Variants in WNK1 observed in about 807,000 individuals in gnomAD.
WNK1 encodes the protein serine/threonine-protein kinase WNK1.
In WNK1, 38 loss-of-function variants were observed where a neutral mutation model predicts 222.8. The observed-to-expected ratio is 0.17, with a 90% CI of 0.13 to 0.22. The LOEUF (loss-of-function observed/expected upper bound fraction) is 0.22. Among genes scored for constraint, WNK1 ranks in the 10% least tolerant of loss-of-function variants. The probability of loss-of-function intolerance (pLI) is 1.00; values close to 1 mark genes in which losing one functional copy is unlikely to be tolerated. For synonymous variants in WNK1, 1,090 were observed against 1,092.9 expected (o/e 1.00, Z 0.05); for missense variants, 2,348 against 2,918.4 (o/e 0.80, Z 4.50).
intron 26 of WNK1, 130 bp downstream of exon 26, chr12:900,800 ATC>A (rs1203779767): frequency 1.8e-6 from 2 of 1,130,962 alleles, no homozygotes; most frequent in African/African-American, 3.1e-5. Context: ...ACACTGAAGA[ATC>A]TGGGTGAAAA....
intron 1 of WNK1, among the ~76,000 whole-genome samples, chr12:801,864 A>T (rs1264956199): frequency 6.6e-6 from 1 of 152,142 alleles, no homozygotes; most frequent in Non-Finnish European, 1.5e-5. Flanking sequence ...ATACTTATAC[A>T]TTTCAATTTG....
At chr12:846,509 C>G (rs1335822802) in intron 4 of WNK1, among the ~76,000 whole-genome samples, 3 of 152,250 alleles carry the variant, frequency 2.0e-5, no homozygotes, top group African/African-American at 7.2e-5. Context: ...ATAGAGCTAG[C>G]TTGATTTGGT....
At chr12:876,894 G>A (rs909957831) in intron 9 of WNK1, among the ~76,000 whole-genome samples, 16 of 151,954 alleles carry the variant, frequency 1.1e-4, no homozygotes, top group African/African-American at 3.6e-4. Context: ...TGCACCAAAC[G>A]ACTAATAGTG....
At position 836,899 on chromosome 12, in the gene WNK1, TA is replaced by T. The variant is rs952504058; in HGVS notation, c.1311+6740del. Among the ~76,000 whole-genome samples, 39 of 151,036 alleles carry T rather than the reference TA, an allele frequency of 2.6e-4. No homozygotes were observed. The East Asian group carries it at 6.0e-3, about 23-fold the overall frequency. ...GCCAAGTCAGAGTATTAATCAGAAA[TA>T]TTTTTTTTTTGTATGTGCATACTAA... is the stretch of plus-strand genomic sequence containing the variant. On this transcript the variant is annotated intron_variant, in intron 4 of 27. Transcript: ENST00000315939.
chr12:879,928 T>G lies in WNK1; in HGVS notation c.2729T>G (p.Val910Gly), dbSNP rs1333892717. 1 of 1,613,988 alleles carries G rather than the reference T, an allele frequency of 6.2e-7. No homozygotes were observed. Among genetic ancestry groups the G allele is most frequent in the African/African-American group, 1.3e-5 (1 of 74,904 alleles). Residue 910 changes from valine to glycine, a missense_variant, in exon 11 of 28, where the codon GTT becomes GGT. By Grantham distance (109) the Val-to-Gly change is moderately radical (BLOSUM62 -3). Around this residue, in one of 13 missense-constraint regions of WNK1, gnomAD observed 547 missense variants for 558.3 expected, o/e 0.98. Coordinates refer to ENST00000315939, the MANE Select transcript of WNK1 (RefSeq NM_018979.4). ...LQPVTQLPSQ[V>G]HPQLLQPAVQ... ...CCTGTGACTCAGCTGCCAAGTCAGG[T>G]TCACCCACAGCTCCTACAACCAGCA...
intron 7 of WNK1, 57 bp from the exon 8 acceptor site, chr12:862,026 C>A: frequency 6.2e-7 from 1 of 1,603,718 alleles, no homozygotes; most frequent in Non-Finnish European, 8.5e-7. Context: ...TGTGAACCTC[C>A]ATTTTGTGAT....
Position 908,861 on chromosome 12 carries a change from G to GGGGGGGGGGGGGGGGGGGGGGGGCC in WNK1, c.*69_*70insGGGGGGGGGGGGGGGGGGGGGGGCC. On this transcript the variant is annotated 3_prime_UTR_variant, in exon 28 of 28. Coordinates refer to ENST00000315939, the MANE Select transcript of WNK1 (RefSeq NM_018979.4). The stretch of plus-strand genomic sequence containing the variant: ...ATGCTGAGGGGGTGGGTGGGGGTGG[G>GGGGGGGGGGGGGGGGGGGGGGGGCC]AAGTAGCCTATATACTAACTACTAG... 2.0e-6 allele frequency: 1 copy of GGGGGGGGGGGGGGGGGGGGGGGGCC among 491,846 alleles called. No homozygotes were observed. The highest frequency in any genetic ancestry group is 4.1e-6 in the Non-Finnish European group (1 of 241,770). The allele number at this position is 491,846 out of a possible 1,614,324, so 30.5% of individuals were successfully genotyped here.
At chr12:770,485 T>G (rs1242946404) in intron 1 of WNK1, among the ~76,000 whole-genome samples, 3 of 152,254 alleles carry the variant, frequency 2.0e-5, no homozygotes, top group African/African-American at 7.2e-5. Context: ...CTTTTTACAT[T>G]TTTAATGTGA....
intron 26 of WNK1, among the ~76,000 whole-genome samples, chr12:905,858 C>T (rs1450763879): frequency 6.6e-6 from 1 of 152,178 alleles, no homozygotes; most frequent in Non-Finnish European, 1.5e-5. Flanking sequence ...GTGGCTCCAG[C>T]AGACACCAAG....
At chr12:881,582 G>C (rs1374545799) in intron 12 of WNK1, 110 bp from the exon 13 acceptor site, 17 of 836,200 alleles carry the variant, frequency 2.0e-5, no homozygotes, top group Non-Finnish European at 3.1e-5. Flanking sequence ...TAAATTTAGT[G>C]CTTCTAGGAC....
Position 885,525 on chromosome 12 carries a change from C to T in WNK1, c.4721C>T (p.Ser1574Leu), listed in dbSNP as rs1309249087. 1 of 1,614,004 alleles carries T rather than the reference C, an allele frequency of 6.2e-7. No homozygotes were observed. The highest frequency in any genetic ancestry group is 8.5e-7 in the Non-Finnish European group (1 of 1,180,028). ...GGGCTGCATCCTTTGGTCATTCCAT[C>T]AGTGATAGCTTCTACTCCTATTCTT... ...PGGLHPLVIPSVIASTPILPQ... is the reference protein window; with the variant it reads ...PGGLHPLVIPLVIASTPILPQ... The change falls in exon 19 of 28, where the codon TCA becomes TTA. Residue 1574 changes from serine (S) to leucine (L), a missense_variant. Transcript: ENST00000315939.
At chr12:903,252 TC>T (rs1955422650) in intron 26 of WNK1, among the ~76,000 whole-genome samples, 1 of 152,194 alleles carries the variant, frequency 6.6e-6, no homozygotes, top group African/African-American at 2.4e-5. Flanking sequence ...CATGCACTAG[TC>T]CCAGGCTGTT....
Position 842,460 on chromosome 12 carries a change from A to T in WNK1, c.1311+12300A>T, listed in dbSNP as rs1295922139. On this transcript the variant is annotated intron_variant, in intron 4 of 27. Transcript: ENST00000315939. ...CTGAACAACTAGTTTAACTCTTTCC[A>T]TTATGGGGCTAGGTCTGTATTTTAT... is the stretch of plus-strand genomic sequence containing the variant. Among the ~76,000 whole-genome samples, 7 of 152,276 alleles carry T rather than the reference A, an allele frequency of 4.6e-5. No individual in the cohort carries two copies. In the South Asian group the frequency reaches 1.0e-3, roughly 23 times the overall value.
chr12:773,555 C>G (rs924202034), intron 1 of WNK1, among the ~76,000 whole-genome samples: 6 of 152,160 alleles, frequency 3.9e-5, no homozygotes, highest in Admixed American at 6.5e-5. Context: ...AATAACCCCA[C>G]TGAAGTTTCA....
intron 1 of WNK1, among the ~76,000 whole-genome samples, chr12:777,155 T>C (rs907339608): frequency 6.8e-6 from 1 of 147,004 alleles, no homozygotes; most frequent in Middle Eastern, 3.5e-3. Context: ...AGGGATTTTT[T>C]TTGTTTTTTT....
intron 2 of WNK1, among the ~76,000 whole-genome samples, chr12:816,673 G>T (rs1947367021): frequency 6.6e-6 from 1 of 152,084 alleles, no homozygotes; most frequent in Admixed American, 6.5e-5. Context: ...CCAAACCGAA[G>T]AACATACATG....
Position 885,431 on chromosome 12 carries a change from T to C in WNK1, c.4627T>C (p.Ser1543Pro). The C allele has an allele frequency of 6.2e-7, 1 of 1,613,814 alleles. No homozygotes were observed. Among genetic ancestry groups the C allele is most frequent in the South Asian group, 1.1e-5 (1 of 91,088 alleles). Reference protein sequence around the residue: ...SHSSTTGLAFSLSAPSSSSSP... With the variant: ...SHSSTTGLAFPLSAPSSSSSP... ...TAGCAGTACAACTGGATTGGCTTTCTCCCTCTCTGCACCATCTTCCTCTTC... is the reference window on the plus strand; with the variant it reads ...TAGCAGTACAACTGGATTGGCTTTCCCCCTCTCTGCACCATCTTCCTCTTC... Residue 1543 changes from serine (S) to proline (P), a missense_variant, in exon 19 of 28, where the codon TCC becomes CCC. Ser to Pro is a moderately conservative substitution (Grantham distance 74). Transcript: ENST00000315939.
intron 4 of WNK1, among the ~76,000 whole-genome samples, chr12:849,531 G>A (rs906317027): frequency 2.0e-5 from 3 of 152,064 alleles, no homozygotes; most frequent in Non-Finnish European, 4.4e-5. Context: ...AGAAGAAGAG[G>A]CAAAAAATTT....
chr12:834,129 T>C (rs1451634945), intron 4 of WNK1, among the ~76,000 whole-genome samples: 2 of 152,114 alleles, frequency 1.3e-5, no homozygotes, highest in African/African-American at 4.8e-5. Flanking sequence ...GAAGCAGGAA[T>C]AGGATTTACA....
Sources: allele counts gnomAD v4.1 joint callset (sites outside exome capture counted in the v4.1 genomes callset), GRCh38; gene constraint gnomAD v4.1.1; regional missense constraint gnomAD v4.1.1; transcripts MANE v1.5; gene names NCBI Gene and HGNC (gene_info 2026-07-23, HGNC 2026-07-21).